Variants in PIP4K2A observed in about 807,000 individuals in gnomAD.
PIP4K2A encodes phosphatidylinositol-5-phosphate 4-kinase type 2 alpha, also known as phosphatidylinositol 5-phosphate 4-kinase type-2 alpha.
In PIP4K2A, 14 loss-of-function variants were observed where a neutral mutation model predicts 42.9. The observed-to-expected ratio is 0.33, with a 90% CI of 0.22 to 0.51. The LOEUF is 0.51. Among genes scored for constraint, PIP4K2A ranks in the 20% least tolerant of loss-of-function variants. The pLI is 0.97. For missense variants in PIP4K2A, 434 were observed against 519.8 expected, an observed-to-expected ratio of 0.83 and a Z score of 1.61; for synonymous variants, 192 against 192.2, an observed-to-expected ratio of 1.00 and a Z score of 0.01.
intron 1 of PIP4K2A, among the ~76,000 whole-genome samples, chr10:22,651,975 A>C (rs1469924270): frequency 6.6e-6 from 1 of 152,214 alleles, no homozygotes; most frequent in African/African-American, 2.4e-5. Flanking sequence ...GCCACTATTA[A>C]TACTCACTAG....
intron 4 of PIP4K2A, among the ~76,000 whole-genome samples, chr10:22,582,904 A>G (rs1463004236): frequency 6.6e-6 from 1 of 151,664 alleles, no homozygotes; most frequent in African/African-American, 2.4e-5. Context: ...AAAAAAAAAA[A>G]AAAAAAAAGT....
At chr10:22,631,844 C>T (rs776335180) in intron 1 of PIP4K2A, among the ~76,000 whole-genome samples, 1 of 152,160 alleles carries the variant, frequency 6.6e-6, no homozygotes, top group Admixed American at 6.5e-5. Flanking sequence ...CCACAACATA[C>T]TTAAGAACAA....
intron 4 of PIP4K2A, among the ~76,000 whole-genome samples, chr10:22,580,923 C>CT (rs1442856390): frequency 6.6e-6 from 1 of 152,154 alleles, no homozygotes; most frequent in Non-Finnish European, 1.5e-5. Flanking sequence ...CGGGAGGCTC[C>CT]TTTGTAGAAT....
At chr10:22,685,550 C>A (rs985002763) in intron 1 of PIP4K2A, among the ~76,000 whole-genome samples, 1 of 151,948 alleles carries the variant, frequency 6.6e-6, no homozygotes, top group Non-Finnish European at 1.5e-5. Context: ...AACAAACAAA[C>A]AAAAACTTTA....
At chr10:22,646,011 T>C (rs1750778) in intron 1 of PIP4K2A, among the ~76,000 whole-genome samples, 40,171 of 152,128 alleles carry the variant, frequency 0.26, 5,768 homozygotes, top group Non-Finnish European at 0.32. Flanking sequence ...TGTGCGCCAC[T>C]GTGCCCAGCC....
At chr10:22,610,101 T>C (rs1837996007) in intron 1 of PIP4K2A, among the ~76,000 whole-genome samples, 1 of 152,252 alleles carries the variant, frequency 6.6e-6, no homozygotes, top group African/African-American at 2.4e-5. Context: ...AGAAAGCTTT[T>C]AAATTTTTCA....
intron 4 of PIP4K2A, among the ~76,000 whole-genome samples, chr10:22,585,704 G>T (rs990053806): frequency 2.0e-5 from 3 of 151,736 alleles, no homozygotes; most frequent in Non-Finnish European, 4.4e-5. Context: ...GAGTTCAAGG[G>T]ATTCTCATGC....
intron 1 of PIP4K2A, among the ~76,000 whole-genome samples, chr10:22,657,045 G>T (rs956440348): frequency 6.6e-6 from 1 of 152,208 alleles, no homozygotes; most frequent in Non-Finnish European, 1.5e-5. Flanking sequence ...GCCAAGAGCA[G>T]TGTTCAGCAT....
intron 1 of PIP4K2A, among the ~76,000 whole-genome samples, chr10:22,687,172 TGTC>T (rs1839782695): frequency 6.9e-6 from 1 of 145,800 alleles, no homozygotes; most frequent in Non-Finnish European, 1.5e-5. Flanking sequence ...ATGAAGGAAA[TGTC>T]GACCTCAGAT....
chr10:22,554,477 T>C (rs181242683), intron 6 of PIP4K2A, among the ~76,000 whole-genome samples: 1 of 152,358 alleles, frequency 6.6e-6, no homozygotes, highest in African/African-American at 2.4e-5. Context: ...TCCAAGCTTG[T>C]AGTCACTGGG....
chr10:22,689,881 T>C (rs911875433), intron 1 of PIP4K2A, among the ~76,000 whole-genome samples: 45 of 152,298 alleles, frequency 3.0e-4, no homozygotes, highest in African/African-American at 1.1e-3. Flanking sequence ...TTTAGCAACA[T>C]TTTCATGTCA....
At chr10:22,658,846 A>G (rs922394239) in intron 1 of PIP4K2A, among the ~76,000 whole-genome samples, 2 of 152,240 alleles carry the variant, frequency 1.3e-5, no homozygotes, top group African/African-American at 4.8e-5. Flanking sequence ...TGAGTTTAGA[A>G]AAGTTACGTA....
chr10:22,645,809 T>A (rs1838868240), intron 1 of PIP4K2A, among the ~76,000 whole-genome samples: 1 of 151,658 alleles, frequency 6.6e-6, no homozygotes, highest in Admixed American at 6.6e-5. Flanking sequence ...CAGTTGATCC[T>A]CCCACCTCAG....
At chr10:22,608,992 T>G (rs1837970399) in intron 2 of PIP4K2A, among the ~76,000 whole-genome samples, 1 of 152,238 alleles carries the variant, frequency 6.6e-6, no homozygotes, top group Admixed American at 6.5e-5. Context: ...ATTATACATA[T>G]GCACACACCC....
At chr10:22,685,620 C>T (rs936979884) in intron 1 of PIP4K2A, among the ~76,000 whole-genome samples, 1 of 152,166 alleles carries the variant, frequency 6.6e-6, no homozygotes, top group Non-Finnish European at 1.5e-5. Context: ...GGGGCTAAGG[C>T]TGATGCAGGA....
intron 1 of PIP4K2A, among the ~76,000 whole-genome samples, chr10:22,708,769 G>T: frequency 6.6e-6 from 1 of 152,126 alleles, no homozygotes; most frequent in Non-Finnish European, 1.5e-5. Flanking sequence ...TGCTGAATTA[G>T]ACACTGCATT....
intron 7 of PIP4K2A, among the ~76,000 whole-genome samples, chr10:22,545,675 G>A (rs1836242892): frequency 6.6e-6 from 1 of 152,232 alleles, no homozygotes; most frequent in South Asian, 2.1e-4. Flanking sequence ...AGAAGACTGA[G>A]AAAATTGCAG....
At chr10:22,627,881 A>C (rs1838479057) in intron 1 of PIP4K2A, among the ~76,000 whole-genome samples, 1 of 152,178 alleles carries the variant, frequency 6.6e-6, no homozygotes, top group South Asian at 2.1e-4. Flanking sequence ...AATTTTTCCT[A>C]ATGAGAGAAA....
At chr10:22,556,145 C>G (rs980133967) in intron 6 of PIP4K2A, among the ~76,000 whole-genome samples, 1 of 152,184 alleles carries the variant, frequency 6.6e-6, no homozygotes. Context: ...TGCACACAAA[C>G]CTACCATACA....
Sources: allele counts gnomAD v4.1 joint callset (sites outside exome capture counted in the v4.1 genomes callset), GRCh38; gene constraint gnomAD v4.1.1; transcripts MANE v1.5; gene names NCBI Gene and HGNC (gene_info 2026-07-23, HGNC 2026-07-21).